RPGRIP1L: variants seen among roughly 807,000 people sequenced by gnomAD.
RPGRIP1L encodes the protein protein fantom.
Under a neutral mutation model 160.4 loss-of-function variants are expected in RPGRIP1L, and 131 were observed. The ratio of observed to expected loss-of-function variants is 0.82; its 90% confidence interval spans 0.71 to 0.94. The LOEUF (loss-of-function observed/expected upper bound fraction) is 0.94, where lower values mean the gene tolerates loss of function less well. Ranked by LOEUF, RPGRIP1L falls within the 40% of genes least tolerant of loss-of-function variation. The pLI is 0.00. For missense variants in RPGRIP1L, 1,522 were observed against 1,535.8 expected, an observed-to-expected ratio of 0.99 and a Z score of 0.15; for synonymous variants, 510 against 515.8, an observed-to-expected ratio of 0.99 and a Z score of 0.15.
intron 7 of RPGRIP1L, among the ~76,000 whole-genome samples, chr16:53,674,317 T>G (rs910191660): frequency 1.3e-5 from 2 of 152,160 alleles, no homozygotes; most frequent in African/African-American, 4.8e-5. Flanking sequence ...TCACATAAAT[T>G]CTGCTCAACT....
At chr16:53,653,723 G>A (rs577211095) in intron 14 of RPGRIP1L, among the ~76,000 whole-genome samples, 8 of 151,954 alleles carry the variant, frequency 5.3e-5, no homozygotes, top group African/African-American at 1.7e-4. Flanking sequence ...ATTTCTCTTC[G>A]TCTGCTAGTT....
chr16:53,645,096 A>G (rs1047320227), intron 17 of RPGRIP1L, among the ~76,000 whole-genome samples: 10 of 152,226 alleles, frequency 6.6e-5, no homozygotes, highest in African/African-American at 2.2e-4. Flanking sequence ...AGAAACTGAT[A>G]TCAGACAGTA....
intron 9 of RPGRIP1L, 150 bp downstream of exon 9, chr16:53,671,360 G>C (rs1968706107): frequency 1.7e-6 from 1 of 595,832 alleles, no homozygotes; most frequent in African/African-American, 1.9e-5. Context: ...CCTTTAAAAA[G>C]CTTGTATTTC....
At chr16:53,648,396 G>A (rs1298780467) in intron 16 of RPGRIP1L, among the ~76,000 whole-genome samples, 3 of 152,050 alleles carry the variant, frequency 2.0e-5, no homozygotes, top group African/African-American at 4.8e-5. Flanking sequence ...GTCCAATAAC[G>A]GCTGTTTATT....
intron 22 of RPGRIP1L, among the ~76,000 whole-genome samples, chr16:53,626,826 A>AT (rs1555593925): frequency 8.7e-5 from 13 of 149,596 alleles, no homozygotes; most frequent in East Asian, 3.9e-4. Context: ...AAAAAAAAAA[A>AT]TTTTTTTTGT....
chr16:53,657,680 G>T lies in RPGRIP1L; in HGVS notation c.1402-48C>A, dbSNP rs755430121. Reference sequence around the variant, plus strand: ...TGACTGAAACAAAAATTTCTAAGATGTGATTTTATGAATTAATATAGATGT... The same window carrying T: ...TGACTGAAACAAAAATTTCTAAGATTTGATTTTATGAATTAATATAGATGT... On this transcript the variant is annotated intron_variant, in intron 12 of 26. Transcript: ENST00000647211. 6.3e-5 allele frequency: 68 copies of T among 1,077,890 alleles called. 1 individual carries two copies. The highest frequency in any genetic ancestry group is 5.8e-4 in the Middle Eastern group (2 of 3,430). 66.8% of individuals were successfully genotyped at this position (1,077,890 alleles called of 1,614,324 possible).
At chr16:53,686,343 G>C in intron 6 of RPGRIP1L, 90 bp downstream of exon 6, 1 of 1,320,954 alleles carries the variant, frequency 7.6e-7, no homozygotes, top group African/African-American at 1.5e-5. Flanking sequence ...TTTTTAAATA[G>C]ACTAGATAAA....
At chr16:53,699,386 T>TAAAAAAAAAA (rs10652484) in intron 2 of RPGRIP1L, among the ~76,000 whole-genome samples, 2 of 77,450 alleles carry the variant, frequency 2.6e-5, no homozygotes, top group Admixed American at 1.6e-4. Context: ...GAATGATCAA[T>TAAAAAAAAAA]AAAAAAAAAA....
At position 53,641,106 on chromosome 16, in the gene RPGRIP1L, G is replaced by C; in HGVS notation, c.2885C>G (p.Pro962Arg). Residue 962 changes from proline to arginine, a missense_variant, in exon 19 of 27, where the codon CCT becomes CGT. By Grantham distance (103) the Pro-to-Arg change is moderately radical. Transcript: ENST00000647211. ...SVSTLVLAPR[P>R]KPRQRLTPVD... ...AGGTGTTAAACGTTGTCTTGGTTTA[G>C]GTCTTGGTGCCTAAGACAAACCAAC... 1 of 1,613,476 alleles carries C rather than the reference G, an allele frequency of 6.2e-7. No homozygotes were observed. Among genetic ancestry groups the C allele is most frequent in the Non-Finnish European group, 8.5e-7 (1 of 1,179,568 alleles).
chr16:53,627,289 A>T (rs1483858306), intron 22 of RPGRIP1L, among the ~76,000 whole-genome samples: 1 of 152,210 alleles, frequency 6.6e-6, no homozygotes, highest in African/African-American at 2.4e-5. Flanking sequence ...GTTACATTTA[A>T]ATCTAATTAT....
chr16:53,697,533 C>T lies in RPGRIP1L; in HGVS notation c.86-1238G>A, dbSNP rs575082697. Among the ~76,000 whole-genome samples the T allele has an allele frequency of 1.3e-3, 182 of 137,614 alleles. 2 individuals carry two copies. The highest frequency in any genetic ancestry group is 4.3e-3 in the African/African-American group (175 of 40,532). 90.3% of individuals were successfully genotyped at this position (137,614 alleles called of 152,430 possible). Reference sequence around the variant, plus strand: ...CACGCCGCCACGCCTGGCTGGTTTTCGTATTTTTTTGGTGGAGACGGGGTT... The same window carrying T: ...CACGCCGCCACGCCTGGCTGGTTTTTGTATTTTTTTGGTGGAGACGGGGTT... On this transcript the variant is annotated intron_variant, in intron 2 of 26. Transcript: ENST00000647211.
Position 53,658,771 on chromosome 16 carries a change from C to A in RPGRIP1L, c.1350+1G>T, listed in dbSNP as rs761435025. ...ATTTCTTAAATAAGGAAATAATTCACCTGGTTGTACAATTTTATGCGTTTT... is the reference window on the plus strand; with the variant it reads ...ATTTCTTAAATAAGGAAATAATTCAACTGGTTGTACAATTTTATGCGTTTT... On this transcript the variant is annotated splice_donor_variant, in intron 11 of 26. Transcript: ENST00000647211. LOFTEE classifies it high-confidence loss of function. 1.3e-6 allele frequency: 2 copies of A among 1,574,138 alleles called. No individual in the cohort carries two copies. The highest frequency in any genetic ancestry group is 2.7e-5 in the African/African-American group (2 of 74,252).
chr16:53,641,717 GA>G (rs1966235070), intron 17 of RPGRIP1L, among the ~76,000 whole-genome samples: 1 of 152,120 alleles, frequency 6.6e-6, no homozygotes, highest in Admixed American at 6.5e-5. Context: ...ATCTCCTTCA[GA>G]AGTTAAGACC....
chr16:53,669,629 C>A (rs1598367882), intron 9 of RPGRIP1L, among the ~76,000 whole-genome samples: 2 of 152,058 alleles, frequency 1.3e-5, no homozygotes, highest in Middle Eastern at 3.4e-3. Context: ...GTATGTTCAG[C>A]AAATTTTCAA....
chr16:53,629,843 C>T (rs999156851), intron 22 of RPGRIP1L, among the ~76,000 whole-genome samples: 2 of 152,042 alleles, frequency 1.3e-5, no homozygotes, highest in South Asian at 4.1e-4. Flanking sequence ...AATATGTAAA[C>T]GAACGGGTGG....
chr16:53,641,362 C>T lies in RPGRIP1L; in HGVS notation c.2797G>A (p.Gly933Arg). 2 of 1,614,048 alleles carry T rather than the reference C, an allele frequency of 1.2e-6. No individual in the cohort carries two copies. Among genetic ancestry groups the T allele is most frequent in the Non-Finnish European group, 1.7e-6 (2 of 1,179,966 alleles). ...GGCTCTTCGCTGCGAATGAAATTTC[C>T]TAAGTCTTCAGTTGTTATTGATCCA... ...PSGSITTEDL[G>R]NFIRSEEPEV... The change falls in exon 18 of 27, where the codon GGA (glycine) becomes AGA (arginine). Residue 933 changes from glycine to arginine, a missense_variant. Transcript: ENST00000647211.
chr16:53,608,961 G>C (rs1963854170), intron 25 of RPGRIP1L, among the ~76,000 whole-genome samples: 1 of 152,212 alleles, frequency 6.6e-6, no homozygotes, highest in Non-Finnish European at 1.5e-5. Flanking sequence ...ATGGTTGGAA[G>C]CCCTGAGCCA....
At chr16:53,606,444 T>C (rs1963688720) in intron 25 of RPGRIP1L, among the ~76,000 whole-genome samples, 2 of 152,104 alleles carry the variant, frequency 1.3e-5, no homozygotes, top group Admixed American at 1.3e-4. Flanking sequence ...ACAAGAAACA[T>C]AAAAATCTAC....
At chr16:53,653,923 T>C (rs1286726732) in intron 14 of RPGRIP1L, among the ~76,000 whole-genome samples, 1 of 152,170 alleles carries the variant, frequency 6.6e-6, no homozygotes, top group Non-Finnish European at 1.5e-5. Context: ...TATCTAGATA[T>C]CCCACACAAC....
Sources: allele counts gnomAD v4.1 joint callset (sites outside exome capture counted in the v4.1 genomes callset), GRCh38; gene constraint gnomAD v4.1.1; transcripts MANE v1.5; gene names NCBI Gene and HGNC (gene_info 2026-07-23, HGNC 2026-07-21).